TEX2: variants seen among roughly 807,000 people sequenced by gnomAD.
TEX2 encodes the protein testis expressed 2.
Under a neutral mutation model 106.9 loss-of-function variants are expected in TEX2, and 53 were observed. The ratio of observed to expected loss-of-function variants is 0.50; its 90% CI spans 0.40 to 0.62. The LOEUF (loss-of-function observed/expected upper bound fraction) is 0.62. TEX2 is among the 20% of genes least tolerant of loss of function. The probability of loss-of-function intolerance (pLI) is 0.00; values close to 1 mark genes in which losing one functional copy is unlikely to be tolerated. For synonymous variants in TEX2, 523 were observed against 534.8 expected, an observed-to-expected ratio of 0.98 and a Z score of 0.30; for missense variants, 1,207 against 1,379.0, an observed-to-expected ratio of 0.88 and a Z score of 1.98.
At chr17:64,189,695 A>G (rs1343989152) in intron 4 of TEX2, among the ~76,000 whole-genome samples, 3 of 152,176 alleles carry the variant, frequency 2.0e-5, no homozygotes, top group Non-Finnish European at 2.9e-5. Context: ...GTTAAAATCA[A>G]ACCAGGCTGG....
chr17:64,184,290 T>C (rs1215925951), intron 5 of TEX2, among the ~76,000 whole-genome samples: 1 of 151,930 alleles, frequency 6.6e-6, no homozygotes, highest in Non-Finnish European at 1.5e-5. Context: ...TTTGTAGAGA[T>C]GGAGTCTCAA....
chr17:64,181,347 G>A (rs956324168), intron 5 of TEX2, among the ~76,000 whole-genome samples: 9 of 151,676 alleles, frequency 5.9e-5, no homozygotes, highest in South Asian at 2.1e-4. Flanking sequence ...GTGGTGGTGC[G>A]TGCCTATAGT....
At chr17:64,207,018 T>C (rs1040239527) in intron 2 of TEX2, among the ~76,000 whole-genome samples, 1 of 152,226 alleles carries the variant, frequency 6.6e-6, no homozygotes, top group African/African-American at 2.4e-5. Flanking sequence ...TGTCATCCCA[T>C]AAATGTATCA....
rs1415284317 is a variant in TEX2 at position 64,195,926 on chromosome 17, G to T, written c.1645-831C>A. Among the ~76,000 whole-genome samples, 12 of 152,192 alleles carry T rather than the reference G, an allele frequency of 7.9e-5. No homozygotes were observed. Among genetic ancestry groups the T allele is most frequent in the Non-Finnish European group, 1.6e-4 (11 of 68,040 alleles). ...ACTTTTTCAGGTTATGAGTAGCCCA[G>T]ATCTCACAAAAGAAGTCCTCTGGGG... On this transcript the variant is annotated intron_variant, in intron 2 of 11. Transcript: ENST00000584379. This position sits in a 1 kb window ranked among gnomAD's most constrained non-coding sequence, Gnocchi z 4.1.
intron 1 of TEX2, among the ~76,000 whole-genome samples, chr17:64,236,107 T>G (rs1555635093): frequency 6.6e-6 from 1 of 151,844 alleles, no homozygotes; most frequent in Admixed American, 6.6e-5. Flanking sequence ...CGGCTCTCCA[T>G]ACCCACAGGT....
chr17:64,229,092 T>C (rs1332276125), intron 1 of TEX2, among the ~76,000 whole-genome samples: 2 of 152,208 alleles, frequency 1.3e-5, no homozygotes, highest in African/African-American at 4.8e-5. Context: ...TGTGTTTCCA[T>C]ATAAATCTTG....
At chr17:64,176,831 T>C (rs2031635776) in intron 6 of TEX2, among the ~76,000 whole-genome samples, 1 of 152,200 alleles carries the variant, frequency 6.6e-6, no homozygotes. Flanking sequence ...TTAAGTAGTC[T>C]GGTGTTTTCC....
At chr17:64,222,063 A>G (rs2033371982) in intron 1 of TEX2, among the ~76,000 whole-genome samples, 1 of 152,222 alleles carries the variant, frequency 6.6e-6, no homozygotes, top group South Asian at 2.1e-4. Flanking sequence ...TTTCAGTTTT[A>G]TAAGATGAAA....
Position 64,214,085 on chromosome 17 carries a change from C to G in TEX2, c.133G>C (p.Glu45Gln). 1 of 1,614,196 alleles carries G rather than the reference C, an allele frequency of 6.2e-7. No individual in the cohort carries two copies. Among genetic ancestry groups the G allele is most frequent in the Non-Finnish European group, 8.5e-7 (1 of 1,180,022 alleles). Residue 45 changes from glutamate (E) to glutamine (Q), a missense_variant, in exon 2 of 12, where the codon GAG becomes CAG. Coordinates refer to ENST00000584379, the MANE Select transcript of TEX2 (RefSeq NM_001288732.2). The stretch of plus-strand genomic sequence containing the variant: ...CTGAACTCCTCCTCCTCTTCCTCCT[C>G]CTCCTCGCCGGATGCCGAGAAGTGA... Reference protein sequence around the residue: ...AIHFSASGEEEEEEEEEFREY... With the variant: ...AIHFSASGEEQEEEEEEFREY...
chr17:64,148,866 C>A lies in TEX2; in HGVS notation c.*103G>T. 1 of 1,448,102 alleles carries A rather than the reference C, an allele frequency of 6.9e-7. No individual in the cohort carries two copies. Among genetic ancestry groups the A allele is most frequent in the Admixed American group, 2.0e-5 (1 of 50,170 alleles). The allele number at this position is 1,448,102 out of a possible 1,614,324, so 89.7% of individuals were successfully genotyped here. On this transcript the variant is annotated 3_prime_UTR_variant, in exon 12 of 12. Transcript: ENST00000584379. ...AGGGCAGAAGCAGTCCTTTAAGAAA[C>A]AGTAGCTGTGGCACAGAGGCCAGTG...
chr17:64,234,970 G>T (rs1196830955), intron 1 of TEX2, among the ~76,000 whole-genome samples: 2 of 151,806 alleles, frequency 1.3e-5, no homozygotes, highest in Non-Finnish European at 2.9e-5. Context: ...ACTGGGCAGC[G>T]CATGACCCAG....
chr17:64,214,312 T>C (rs2033124044), intron 1 of TEX2, 70 bp from the exon 2 acceptor site: 1 of 1,322,036 alleles, frequency 7.6e-7, no homozygotes, highest in Non-Finnish European at 1.1e-6. Context: ...CATTCGCAGA[T>C]AGGAGCACAG....
chr17:64,211,157 C>CGG (rs1555631501), intron 2 of TEX2, among the ~76,000 whole-genome samples: 1 of 152,126 alleles, frequency 6.6e-6, no homozygotes, highest in Admixed American at 6.6e-5. Flanking sequence ...GACAGGGTTT[C>CGG]ACCATGTTGG....
At chr17:64,252,700 C>G (rs150535371) in intron 1 of TEX2, among the ~76,000 whole-genome samples, 5 of 152,074 alleles carry the variant, frequency 3.3e-5, no homozygotes, top group Admixed American at 2.0e-4. Context: ...TCATTCACCC[C>G]GAGAATATTT....
chr17:64,262,619 T>G (rs1353964305), intron 1 of TEX2, among the ~76,000 whole-genome samples: 1 of 152,026 alleles, frequency 6.6e-6, no homozygotes, highest in Non-Finnish European at 1.5e-5. Context: ...AACCTTCCGA[T>G]CCCCCGGATT....
At chr17:64,262,819 T>C (rs1233077096) in intron 1 of TEX2, among the ~76,000 whole-genome samples, 1 of 152,012 alleles carries the variant, frequency 6.6e-6, no homozygotes, top group Non-Finnish European at 1.5e-5. Context: ...CGGGGCCCCA[T>C]TCATAAAATT....
chr17:64,187,027 A>C (rs1475548910), intron 5 of TEX2, among the ~76,000 whole-genome samples: 1 of 152,162 alleles, frequency 6.6e-6, no homozygotes, highest in Non-Finnish European at 1.5e-5. Flanking sequence ...ATCACTTAGC[A>C]ACTGTGTGAC....
At chr17:64,177,499 G>T (rs1161138190) in intron 5 of TEX2, 28 bp from the exon 6 acceptor site, 2 of 1,607,326 alleles carry the variant, frequency 1.2e-6, no homozygotes, top group South Asian at 2.2e-5. Flanking sequence ...ACCAAAATTA[G>T]CTAGAAAGCA....
intron 1 of TEX2, among the ~76,000 whole-genome samples, chr17:64,256,643 A>G (rs992756458): frequency 6.6e-6 from 1 of 152,114 alleles, no homozygotes; most frequent in East Asian, 1.9e-4. Flanking sequence ...TATATGATGC[A>G]TATGTCTATT....
Sources: allele counts gnomAD v4.1 joint callset (sites outside exome capture counted in the v4.1 genomes callset), GRCh38; gene constraint gnomAD v4.1.1; non-coding constraint Gnocchi (gnomAD v3.1); transcripts MANE v1.5; gene names NCBI Gene and HGNC (gene_info 2026-07-23, HGNC 2026-07-21).